Variants in LURAP1L observed in about 807,000 individuals in gnomAD.
LURAP1L encodes leucine rich adaptor protein 1-like.
A neutral mutation model predicts 13.8 loss-of-function variants in LURAP1L; 12 were observed. That is an observed-to-expected ratio of 0.87 (90% CI 0.56 to 1.41). The LOEUF (loss-of-function observed/expected upper bound fraction) is 1.41. Among genes scored for constraint, LURAP1L ranks in the 40% most tolerant of loss-of-function variants. The pLI is 0.00. For missense variants in LURAP1L, 375 were observed against 292.9 expected (o/e 1.28, Z -2.04); for synonymous variants, 139 against 119.2 (o/e 1.17, Z -1.08).
intron 1 of LURAP1L, among the ~76,000 whole-genome samples, chr9:12,790,276 G>A (rs1164783921): frequency 6.6e-6 from 1 of 152,062 alleles, no homozygotes; most frequent in African/African-American, 2.4e-5. Flanking sequence ...TTTTTCTCCT[G>A]CAGCATAATC....
intron 1 of LURAP1L, among the ~76,000 whole-genome samples, chr9:12,807,945 T>C (rs1245850602): frequency 1.3e-5 from 2 of 152,226 alleles, no homozygotes; most frequent in Admixed American, 1.3e-4. Context: ...CACTTTTAAG[T>C]AATATTATAC....
At chr9:12,803,159 G>C (rs1819610154) in intron 1 of LURAP1L, among the ~76,000 whole-genome samples, 1 of 152,206 alleles carries the variant, frequency 6.6e-6, no homozygotes, top group Admixed American at 6.5e-5. Context: ...TGCACTGGAA[G>C]TGTTCATGCT....
intron 1 of LURAP1L, among the ~76,000 whole-genome samples, chr9:12,787,822 A>G (rs1819378616): frequency 6.6e-6 from 1 of 152,154 alleles, no homozygotes; most frequent in African/African-American, 2.4e-5. Context: ...TTAAAAACAT[A>G]GAAAGCTCAG....
At position 12,821,757 on chromosome 9, in the gene LURAP1L, C is replaced by G. The variant is rs1256711093; in HGVS notation, c.684C>G (p.Gly228=). The G allele has an allele frequency of 1.2e-6, 2 of 1,607,026 alleles. No individual in the cohort carries two copies. The highest frequency in any genetic ancestry group is 2.2e-5 in the East Asian group (1 of 44,702). Residue 228 remains glycine (G), a synonymous_variant, in exon 2 of 2, where the codon GGC becomes GGG. Transcript: ENST00000319264. ...TGGATTCTGAATACTACTGCTTTGG[C>G]TAGTGACAGTTTTTTGCATGGGACT... ...PKLDSEYYCF[G] is the part of the protein sequence containing the mutation.
chr9:12,782,219 T>C (rs1775343035), intron 1 of LURAP1L, among the ~76,000 whole-genome samples: 2 of 152,170 alleles, frequency 1.3e-5, no homozygotes, highest in Admixed American at 1.3e-4. Context: ...TCTCTCCACT[T>C]TGTTGGTTGT....
chr9:12,818,250 T>A (rs1231812110), intron 1 of LURAP1L, among the ~76,000 whole-genome samples: 1 of 152,134 alleles, frequency 6.6e-6, no homozygotes, highest in East Asian at 1.9e-4. Context: ...ACTGAAAAAC[T>A]TGTACTTGAT....
At chr9:12,803,652 T>C (rs1819617581) in intron 1 of LURAP1L, among the ~76,000 whole-genome samples, 1 of 152,132 alleles carries the variant, frequency 6.6e-6, no homozygotes, top group African/African-American at 2.4e-5. Flanking sequence ...TTAATTAGAG[T>C]AAAATTCTAG....
chr9:12,795,945 G>A (rs1221509073), intron 1 of LURAP1L, among the ~76,000 whole-genome samples: 1 of 151,980 alleles, frequency 6.6e-6, no homozygotes, highest in Non-Finnish European at 1.5e-5. Context: ...TAGGAAGAAA[G>A]TGAGAAGATT....
intron 1 of LURAP1L, 27 bp downstream of exon 1, chr9:12,776,054 G>A (rs753416448): frequency 6.2e-7 from 1 of 1,609,590 alleles, no homozygotes; most frequent in South Asian, 1.1e-5. Flanking sequence ...AGCCGCGGGG[G>A]CTGGGACCTG....
chr9:12,787,760 G>C (rs1008846146), intron 1 of LURAP1L, among the ~76,000 whole-genome samples: 1 of 152,012 alleles, frequency 6.6e-6, no homozygotes, highest in Non-Finnish European at 1.5e-5. Context: ...ACTTCACCGC[G>C]TGTGCCTGAA....
chr9:12,811,513 T>C (rs1393846816), intron 1 of LURAP1L, among the ~76,000 whole-genome samples: 2 of 152,232 alleles, frequency 1.3e-5, no homozygotes, highest in Non-Finnish European at 2.9e-5. Flanking sequence ...CTTTCAATAA[T>C]CACCTTCAGT....
At chr9:12,795,093 T>C (rs112352546) in intron 1 of LURAP1L, among the ~76,000 whole-genome samples, 3,111 of 152,042 alleles carry the variant, frequency 0.02, 106 homozygotes, top group African/African-American at 0.071. Flanking sequence ...AGCTGGTCAA[T>C]TGCTTATCAA....
intron 1 of LURAP1L, among the ~76,000 whole-genome samples, chr9:12,789,244 A>T (rs566399407): frequency 2.6e-4 from 40 of 152,318 alleles, no homozygotes; most frequent in African/African-American, 8.9e-4. Context: ...AATTTAAATA[A>T]TGAGATGATA....
chr9:12,798,721 G>T (rs542125823), intron 1 of LURAP1L, among the ~76,000 whole-genome samples: 1 of 152,278 alleles, frequency 6.6e-6, no homozygotes, highest in East Asian at 1.9e-4. Context: ...GTCATTATCA[G>T]ATATAAGGAA....
At chr9:12,787,938 C>A (rs1404766875) in intron 1 of LURAP1L, among the ~76,000 whole-genome samples, 1 of 151,760 alleles carries the variant, frequency 6.6e-6, no homozygotes, top group Non-Finnish European at 1.5e-5. Context: ...ATGGTGAAAC[C>A]CCGTCTCTGC....
chr9:12,791,280 G>A (rs1362121761), intron 1 of LURAP1L, among the ~76,000 whole-genome samples: 1 of 151,998 alleles, frequency 6.6e-6, no homozygotes, highest in Non-Finnish European at 1.5e-5. Flanking sequence ...TCCAAAATAT[G>A]AAAAATGGCT....
intron 1 of LURAP1L, 85 bp from the exon 2 acceptor site, chr9:12,821,301 C>G: frequency 7.0e-7 from 1 of 1,423,076 alleles, no homozygotes; most frequent in Non-Finnish European, 9.5e-7. Flanking sequence ...AAATTCTGAA[C>G]TGCAGCAGAC....
intron 1 of LURAP1L, among the ~76,000 whole-genome samples, chr9:12,804,415 G>C (rs964946173): frequency 6.6e-6 from 1 of 150,908 alleles, no homozygotes; most frequent in Admixed American, 6.6e-5. Flanking sequence ...CATGGTCTCG[G>C]CTCACTGCAA....
At chr9:12,780,345 A>T (rs182116226) in intron 1 of LURAP1L, among the ~76,000 whole-genome samples, 2 of 152,148 alleles carry the variant, frequency 1.3e-5, no homozygotes, top group African/African-American at 4.8e-5. Flanking sequence ...GTGCTCATGT[A>T]AACTGCACTC....
Sources: gnomAD v4.1 joint callset for allele counts (sites outside exome capture counted in the v4.1 genomes callset) on GRCh38, gnomAD v4.1.1 for gene constraint, MANE v1.5 for transcripts, NCBI Gene and HGNC (gene_info 2026-07-23, HGNC 2026-07-21) for gene names.